PCDH15: variants seen among roughly 807,000 people sequenced by gnomAD.
PCDH15 encodes protocadherin related 15.
Under a neutral mutation model 178.5 loss-of-function variants are expected in PCDH15, and 129 were observed. The ratio of observed to expected loss-of-function variants is 0.72; its 90% CI spans 0.63 to 0.84. The LOEUF (loss-of-function observed/expected upper bound fraction) is 0.84, where lower values mean the gene tolerates loss of function less well. Ranked by LOEUF, PCDH15 falls within the 40% of genes least tolerant of loss-of-function variation. The probability of loss-of-function intolerance (pLI) is 0.00; values close to 1 mark genes in which losing one functional copy is unlikely to be tolerated. For missense variants in PCDH15, 2,230 were observed against 2,099.9 expected, an observed-to-expected ratio of 1.06 and a Z score of -1.21; for synonymous variants, 800 against 732.0, an observed-to-expected ratio of 1.09 and a Z score of -1.50.
chr10:55,592,021 C>T (rs4322300), intron 2 of PCDH15, among the ~76,000 whole-genome samples: 47,735 of 151,904 alleles, frequency 0.31, 7,719 homozygotes, highest in African/African-American at 0.39. Flanking sequence ...AAGAATACCT[C>T]TTAGAGTGAA....
intron 3 of PCDH15, among the ~76,000 whole-genome samples, chr10:54,515,617 C>T (rs7087574): frequency 6.6e-6 from 1 of 152,108 alleles, no homozygotes; most frequent in Non-Finnish European, 1.5e-5. Flanking sequence ...TTGTCTGACA[C>T]CTTTGAAGAG....
At chr10:54,431,202 T>C (rs1282948460) in intron 3 of PCDH15, among the ~76,000 whole-genome samples, 2 of 152,114 alleles carry the variant, frequency 1.3e-5, no homozygotes. Context: ...ATACCAATTC[T>C]ACTCAAACTA....
intron 2 of PCDH15, among the ~76,000 whole-genome samples, chr10:55,345,155 C>G (rs113146208): frequency 1.3e-5 from 2 of 151,368 alleles, no homozygotes; most frequent in Non-Finnish European, 2.9e-5. Context: ...CTCTCTCTCT[C>G]TCTATATATA....
At chr10:53,986,738 G>C (rs574532843) in intron 21 of PCDH15, among the ~76,000 whole-genome samples, 1 of 152,284 alleles carries the variant, frequency 6.6e-6, no homozygotes, top group South Asian at 2.1e-4. Flanking sequence ...GACCAATACC[G>C]CATGATTGCA....
At chr10:53,929,740 C>T (rs561851422) in intron 25 of PCDH15, among the ~76,000 whole-genome samples, 1 of 152,278 alleles carries the variant, frequency 6.6e-6, no homozygotes, top group African/African-American at 2.4e-5. Flanking sequence ...TTGTTTTACC[C>T]TCAGTTTAAA....
At chr10:55,153,622 C>A (rs1339207473) in intron 2 of PCDH15, among the ~76,000 whole-genome samples, 1 of 152,152 alleles carries the variant, frequency 6.6e-6, no homozygotes, top group Non-Finnish European at 1.5e-5. Context: ...TAGCCACTGG[C>A]GGCCTTGTGC....
At chr10:54,618,422 A>G (rs191524450) in intron 2 of PCDH15, among the ~76,000 whole-genome samples, 2 of 152,234 alleles carry the variant, frequency 1.3e-5, no homozygotes. Context: ...ATTTCAGGTA[A>G]ACTCATTCTC....
rs2093263092 is a variant in PCDH15, at chr10:54,618,749, T to C, written c.91+45423A>G. 2.0e-5 allele frequency among the ~76,000 whole-genome samples: 3 copies of C among 152,108 alleles called. No homozygotes were observed. The South Asian group carries it at 6.2e-4, about 31-fold the overall frequency. ...GTTATATATTTCTAGAATCACTAAT[T>C]ATGTTGAAATATTATTACAAAAGTA... On this transcript the variant is annotated intron_variant, in intron 2 of 37. Transcript: ENST00000644397.
intron 2 of PCDH15, among the ~76,000 whole-genome samples, chr10:55,590,313 T>C (rs7477089): frequency 0.04 from 1,625 of 40,154 alleles, 47 homozygotes; most frequent in African/African-American, 0.13. Context: ...GGGACTGTTG[T>C]GGGGTGGGGG....
chr10:53,834,168 TTTAGA>T (rs2077170919), intron 29 of PCDH15, among the ~76,000 whole-genome samples: 2 of 152,266 alleles, frequency 1.3e-5, no homozygotes, highest in African/African-American at 4.8e-5. Flanking sequence ...GGGAAGGCAC[TTTAGA>T]TTAAAGACTA....
intron 15 of PCDH15, among the ~76,000 whole-genome samples, chr10:54,092,713 C>A (rs973472976): frequency 2.0e-5 from 3 of 152,002 alleles, no homozygotes; most frequent in Non-Finnish European, 4.4e-5. Flanking sequence ...TAGATAGGAA[C>A]CACAAATAAT....
chr10:54,693,156 T>C (rs1291703732), intron 1 of PCDH15, among the ~76,000 whole-genome samples: 1 of 152,040 alleles, frequency 6.6e-6, no homozygotes, highest in African/African-American at 2.4e-5. Flanking sequence ...TGTTCCTGTG[T>C]CAGCCATAAA....
At chr10:54,677,313 A>C (rs2094807970) in intron 1 of PCDH15, among the ~76,000 whole-genome samples, 1 of 152,162 alleles carries the variant, frequency 6.6e-6, no homozygotes, top group Non-Finnish European at 1.5e-5. Context: ...CCAGGAGTTC[A>C]AGGTTACAGT....
intron 27 of PCDH15, among the ~76,000 whole-genome samples, chr10:53,858,162 C>A (rs759798212): frequency 1.3e-5 from 2 of 152,202 alleles, no homozygotes; most frequent in Non-Finnish European, 2.9e-5. Flanking sequence ...TACATTTATA[C>A]ACTATTAAAA....
intron 2 of PCDH15, among the ~76,000 whole-genome samples, chr10:55,447,488 A>C (rs1839343218): frequency 6.6e-6 from 1 of 152,066 alleles, no homozygotes; most frequent in Admixed American, 6.6e-5. Context: ...TGTTTAGACT[A>C]TGCTGACATG....
intron 18 of PCDH15, among the ~76,000 whole-genome samples, chr10:54,044,510 G>C (rs990230275): frequency 2.0e-5 from 3 of 152,078 alleles, no homozygotes; most frequent in African/African-American, 4.8e-5. Flanking sequence ...GGCCAGAGTA[G>C]AGGGTAGTGA....
At chr10:54,503,893 A>G (rs1565444302) in intron 3 of PCDH15, among the ~76,000 whole-genome samples, 1 of 152,098 alleles carries the variant, frequency 6.6e-6, no homozygotes, top group Non-Finnish European at 1.5e-5. Context: ...GAATGAAAAC[A>G]GGATCCCAAC....
At chr10:55,403,904 C>T (rs1231420951) in intron 2 of PCDH15, among the ~76,000 whole-genome samples, 1 of 151,846 alleles carries the variant, frequency 6.6e-6, no homozygotes, top group Non-Finnish European at 1.5e-5. Flanking sequence ...AGGTTAAACC[C>T]CAGATAGAAG....
chr10:54,986,744 G>A (rs942208588), intron 2 of PCDH15, among the ~76,000 whole-genome samples: 15 of 151,990 alleles, frequency 9.9e-5, no homozygotes, highest in South Asian at 6.2e-4. Flanking sequence ...TGTAACTACC[G>A]CTTTGATGTG....
Sources: allele counts gnomAD v4.1 joint callset (sites outside exome capture counted in the v4.1 genomes callset), GRCh38; gene constraint gnomAD v4.1.1; transcripts MANE v1.5; gene names NCBI Gene and HGNC (gene_info 2026-07-23, HGNC 2026-07-21).